DYM: variants seen among roughly 807,000 people sequenced by gnomAD.
DYM encodes the protein dymeclin, also known as dyggve-Melchior-Clausen syndrome protein.
Under a neutral mutation model 93.1 loss-of-function variants are expected in DYM, and 78 were observed. The observed-to-expected ratio is 0.84, with a 90% CI of 0.70 to 1.01. The LOEUF is 1.01. Ranked by LOEUF, DYM falls within the 50% of genes least tolerant of loss-of-function variation. DYM has a pLI of 0.00. For missense variants in DYM, 789 were observed against 845.0 expected (o/e 0.93, Z 0.82); for synonymous variants, 321 against 319.7 (o/e 1.00, Z -0.04).
chr18:49,083,732 G>A (rs2078255588), intron 17 of DYM, among the ~76,000 whole-genome samples: 1 of 152,016 alleles, frequency 6.6e-6, no homozygotes, highest in Non-Finnish European at 1.5e-5. Context: ...TTGATAATTT[G>A]TATATTTCTA....
intron 17 of DYM, among the ~76,000 whole-genome samples, chr18:49,044,596 G>T (rs1445328308): frequency 6.6e-6 from 1 of 152,244 alleles, no homozygotes; most frequent in Admixed American, 6.5e-5. Flanking sequence ...GAGAGGCACT[G>T]TCCTCAGGGT....
intron 14 of DYM, among the ~76,000 whole-genome samples, chr18:49,191,654 T>C (rs752608568): frequency 1.1e-4 from 16 of 152,198 alleles, no homozygotes; most frequent in Non-Finnish European, 2.2e-4. Context: ...CAATTTTAAA[T>C]TTTAGCCAGT....
At chr18:49,108,646 G>A (rs747021669) in intron 16 of DYM, among the ~76,000 whole-genome samples, 2 of 152,076 alleles carry the variant, frequency 1.3e-5, no homozygotes, top group African/African-American at 2.4e-5. Flanking sequence ...TTTGTTTTAC[G>A]GCCCCATACA....
intron 15 of DYM, among the ~76,000 whole-genome samples, chr18:49,143,377 G>T (rs987700028): frequency 6.6e-6 from 1 of 152,038 alleles, no homozygotes; most frequent in African/African-American, 2.4e-5. Context: ...GAGAATAAAG[G>T]GCATATCTTC....
intron 1 of DYM, among the ~76,000 whole-genome samples, chr18:49,438,045 G>A (rs1011985417): frequency 5.3e-5 from 8 of 151,890 alleles, no homozygotes; most frequent in African/African-American, 1.7e-4. Flanking sequence ...AAACTAGCTG[G>A]GCGTGGTGGC....
At chr18:49,313,549 G>C (rs577945323) in intron 8 of DYM, among the ~76,000 whole-genome samples, 2 of 145,550 alleles carry the variant, frequency 1.4e-5, no homozygotes, top group South Asian at 4.4e-4. Context: ...ACCCTATATG[G>C]TCTAAAAAGA....
intron 17 of DYM, among the ~76,000 whole-genome samples, chr18:49,080,248 G>A (rs1362885928): frequency 8.0e-6 from 1 of 125,656 alleles, no homozygotes; most frequent in African/African-American, 3.1e-5. Flanking sequence ...GCGGCTGGCC[G>A]GGCAGAGGGG....
chr18:49,400,769 A>C (rs770835590), intron 2 of DYM, among the ~76,000 whole-genome samples: 11 of 152,208 alleles, frequency 7.2e-5, no homozygotes, highest in Non-Finnish European at 1.5e-4. Flanking sequence ...AACTTCTTGG[A>C]ACATTTTAAG....
chr18:49,175,878 G>T (rs576369699), intron 14 of DYM, among the ~76,000 whole-genome samples: 23 of 152,260 alleles, frequency 1.5e-4, no homozygotes, highest in African/African-American at 5.3e-4. Flanking sequence ...TTTAGTGAAA[G>T]AGGTTCCCAC....
chr18:49,455,088 G>C (rs891702344), intron 1 of DYM, among the ~76,000 whole-genome samples: 5 of 152,064 alleles, frequency 3.3e-5, no homozygotes, highest in African/African-American at 1.2e-4. Context: ...GCTGAGGCTT[G>C]ACGCTTTACA....
At chr18:49,308,629 A>G (rs2061407978) in intron 8 of DYM, among the ~76,000 whole-genome samples, 1 of 152,200 alleles carries the variant, frequency 6.6e-6, no homozygotes, top group Non-Finnish European at 1.5e-5. Flanking sequence ...TCTGTACTGC[A>G]GGGAGCTACA....
At chr18:49,399,151 C>T (rs781587644) in intron 2 of DYM, among the ~76,000 whole-genome samples, 1 of 152,174 alleles carries the variant, frequency 6.6e-6, no homozygotes, top group Non-Finnish European at 1.5e-5. Context: ...AGCAGACAGA[C>T]AGTTCAGTAC....
chr18:49,292,624 A>AAAAAAAAAAAAAAAC (rs1568189068), intron 8 of DYM, among the ~76,000 whole-genome samples: 3 of 65,046 alleles, frequency 4.6e-5, no homozygotes, highest in African/African-American at 1.6e-4. Flanking sequence ...AAAAAAAAAA[A>AAAAAAAAAAAAAAAC]ACCCCCACAA....
intron 17 of DYM, among the ~76,000 whole-genome samples, chr18:49,075,427 G>T (rs1568377946): frequency 6.6e-6 from 1 of 152,132 alleles, no homozygotes; most frequent in Non-Finnish European, 1.5e-5. Flanking sequence ...CCTCTCTTCA[G>T]ATTTTCATCC....
At chr18:49,432,599 A>ATTTT (rs35279467) in intron 1 of DYM, among the ~76,000 whole-genome samples, 9,185 of 129,394 alleles carry the variant, frequency 0.071, 473 homozygotes, top group East Asian at 0.29. Flanking sequence ...CAGCATTAAA[A>ATTTT]TTTTTTTTTT....
intron 13 of DYM, among the ~76,000 whole-genome samples, chr18:49,216,489 C>G (rs543096873): frequency 2.0e-5 from 3 of 152,184 alleles, no homozygotes; most frequent in Non-Finnish European, 4.4e-5. Context: ...AGCAGCCTAA[C>G]TGGGAGGCAC....
intron 15 of DYM, among the ~76,000 whole-genome samples, chr18:49,119,487 C>G: frequency 6.6e-6 from 1 of 152,200 alleles, no homozygotes; most frequent in African/African-American, 2.4e-5. Flanking sequence ...ATCAGCAAAC[C>G]TCTTGGAAGA....
intron 17 of DYM, among the ~76,000 whole-genome samples, chr18:49,055,056 T>C (rs1481703840): frequency 6.6e-6 from 1 of 152,132 alleles, no homozygotes; most frequent in Non-Finnish European, 1.5e-5. Flanking sequence ...GGTTTTCAAT[T>C]TCTCTCTCTT....
intron 7 of DYM, among the ~76,000 whole-genome samples, chr18:49,332,507 G>A (rs1283379957): frequency 2.0e-5 from 3 of 152,110 alleles, no homozygotes; most frequent in Non-Finnish European, 4.4e-5. Flanking sequence ...AAGGGAAGTA[G>A]TAATAAAGAA....
Sources: gnomAD v4.1 joint callset for allele counts (sites outside exome capture counted in the v4.1 genomes callset) on GRCh38, gnomAD v4.1.1 for gene constraint, MANE v1.5 for transcripts, NCBI Gene and HGNC (gene_info 2026-07-23, HGNC 2026-07-21) for gene names.